PCBP3: variants seen among roughly 807,000 people sequenced by gnomAD.
The protein encoded by PCBP3 is poly(rC) binding protein 3.
PCBP3 carries 25 observed loss-of-function variants against 52.7 expected under a neutral mutation model. The observed-to-expected ratio is 0.47, with a 90% CI of 0.35 to 0.66. PCBP3 has a LOEUF of 0.66. PCBP3 is among the 30% of genes least tolerant of loss of function. PCBP3 has a pLI of 0.01. For synonymous variants in PCBP3, 162 were observed against 183.0 expected (o/e 0.89, Z 0.93); for missense variants, 391 against 490.3 (o/e 0.80, Z 1.91).
chr21:45,911,270 G>A (rs1187709056), intron 11 of PCBP3: 1 of 588,862 alleles, frequency 1.7e-6, no homozygotes, highest in Non-Finnish European at 3.1e-6. Context: ...AGCATGTGGA[G>A]AGGAGGGAGC....
At chr21:45,682,307 G>A (rs2081902703) in intron 2 of PCBP3, among the ~76,000 whole-genome samples, 1 of 152,114 alleles carries the variant, frequency 6.6e-6, no homozygotes, top group Admixed American at 6.5e-5. Context: ...CCTTCCTCTA[G>A]TCATCTTTCA....
At position 45,784,340 on chromosome 21, in the gene PCBP3, A is replaced by G. The variant is rs138109135; in HGVS notation, c.-126+28888A>G. Reference sequence around the variant, plus strand: ...AGGGAATGTTAATAGTGACAGCTCTACCTCTACCTCTACCTCTACCTCTAC... The same window carrying G: ...AGGGAATGTTAATAGTGACAGCTCTGCCTCTACCTCTACCTCTACCTCTAC... On this transcript the variant is annotated intron_variant, in intron 4 of 17. Coordinates refer to ENST00000681687, the MANE Select transcript of PCBP3 (RefSeq NM_001384156.1). Among the ~76,000 whole-genome samples the G allele has an allele frequency of 6.2e-3, 791 of 128,140 alleles. 8 individuals are homozygous for G. Among genetic ancestry groups the G allele is most frequent in the African/African-American group, 0.023 (761 of 32,892 alleles). The allele number at this position is 128,140 out of a possible 152,430, so 84.1% of individuals were successfully genotyped here.
intron 5 of PCBP3, among the ~76,000 whole-genome samples, chr21:45,884,713 A>G (rs2095479082): frequency 6.6e-6 from 1 of 152,162 alleles, no homozygotes; most frequent in Non-Finnish European, 1.5e-5. Context: ...GACAGGCACC[A>G]CCACACCCAG....
chr21:45,826,490 A>G (rs2093312129), intron 4 of PCBP3, among the ~76,000 whole-genome samples: 1 of 152,318 alleles, frequency 6.6e-6, no homozygotes, highest in African/African-American at 2.4e-5. Context: ...AGGTGTGTGA[A>G]GTACTCTGTG....
At chr21:45,868,539 A>G (rs2839025) in intron 5 of PCBP3, among the ~76,000 whole-genome samples, 75,300 of 151,122 alleles carry the variant, frequency 0.5, 20,706 homozygotes, top group East Asian at 0.81. Flanking sequence ...CTGAGCCTTA[A>G]GGCGTCTGGC....
At chr21:45,863,676 G>T (rs539876364) in intron 5 of PCBP3, among the ~76,000 whole-genome samples, 1 of 152,362 alleles carries the variant, frequency 6.6e-6, no homozygotes, top group East Asian at 1.9e-4. Context: ...ATCTCATCTT[G>T]TCTAAACGGG....
chr21:45,721,255 A>G (rs1164778541), intron 2 of PCBP3, among the ~76,000 whole-genome samples: 2 of 152,156 alleles, frequency 1.3e-5, no homozygotes, highest in African/African-American at 2.4e-5. Flanking sequence ...TCTACTAAAA[A>G]TACAAAAATT....
intron 1 of PCBP3, among the ~76,000 whole-genome samples, chr21:45,661,871 A>G (rs778604134): frequency 2.6e-5 from 4 of 152,090 alleles, no homozygotes; most frequent in Non-Finnish European, 5.9e-5. Context: ...TGTTGTTTTA[A>G]TTTGCATTTC....
chr21:45,921,063 A>G (rs1334203172), intron 13 of PCBP3, among the ~76,000 whole-genome samples: 2 of 152,212 alleles, frequency 1.3e-5, no homozygotes, highest in South Asian at 2.1e-4. Flanking sequence ...GCAGGCGTGT[A>G]AAATTGAAGA....
At chr21:45,858,283 A>C (rs2094382105) in intron 5 of PCBP3, 1 of 152,238 alleles carries the variant, frequency 6.6e-6, no homozygotes, top group Admixed American at 6.5e-5. Context: ...GGGAGGCGGT[A>C]GAGGACCTGT....
chr21:45,809,698 G>A (rs578185017), intron 4 of PCBP3, among the ~76,000 whole-genome samples: 41 of 152,330 alleles, frequency 2.7e-4, no homozygotes, highest in Admixed American at 1.0e-3. Flanking sequence ...GCTGCGATCC[G>A]GGTCGGGGCA....
At chr21:45,838,737 A>G (rs1318711156) in intron 4 of PCBP3, among the ~76,000 whole-genome samples, 2 of 152,184 alleles carry the variant, frequency 1.3e-5, no homozygotes, top group Non-Finnish European at 2.9e-5. Context: ...TTAGAGCAAT[A>G]TATTTCTTTG....
chr21:45,755,413 A>C lies in PCBP3; in HGVS notation c.-161-4A>C, dbSNP rs1015625033. ...ATGTGGATGTATGTTTTCATTTTTC[A>C]TAGGTAAATACCTAGGAGTGGGCTT... On this transcript the variant is annotated splice_region_variant and splice_polypyrimidine_tract_variant and intron_variant, in intron 3 of 17. Coordinates refer to ENST00000681687, the MANE Select transcript of PCBP3 (RefSeq NM_001384156.1). Among the ~76,000 whole-genome samples, 1 of 152,158 alleles carries C rather than the reference A, an allele frequency of 6.6e-6. No individual in the cohort carries two copies. The highest frequency in any genetic ancestry group is 1.5e-5 in the Non-Finnish European group (1 of 68,014).
chr21:45,822,268 C>T (rs1014617119), intron 4 of PCBP3, among the ~76,000 whole-genome samples: 62 of 152,280 alleles, frequency 4.1e-4, no homozygotes, highest in African/African-American at 1.3e-3. Context: ...GCAGCCTGAG[C>T]CTTTCCTCTG....
At chr21:45,702,848 A>G (rs1208237923) in intron 2 of PCBP3, among the ~76,000 whole-genome samples, 2 of 152,232 alleles carry the variant, frequency 1.3e-5, no homozygotes, top group African/African-American at 2.4e-5. Context: ...ACTTCTTTCA[A>G]AATTGGAGTC....
At chr21:45,822,836 C>G (rs1253847122) in intron 4 of PCBP3, among the ~76,000 whole-genome samples, 3 of 152,168 alleles carry the variant, frequency 2.0e-5, no homozygotes, top group Admixed American at 6.5e-5. Flanking sequence ...CAGGCTATCC[C>G]TCTGCTGGGA....
chr21:45,915,607 G>A (rs529983998), intron 12 of PCBP3: 1 of 152,256 alleles, frequency 6.6e-6, no homozygotes, highest in African/African-American at 2.4e-5. Context: ...TCTCACTCCT[G>A]TAAAGAAGGC....
At chr21:45,792,343 C>T (rs1688626611) in intron 4 of PCBP3, among the ~76,000 whole-genome samples, 1 of 152,182 alleles carries the variant, frequency 6.6e-6, no homozygotes, top group African/African-American at 2.4e-5. Flanking sequence ...GGCTGGCCCA[C>T]CGAGGCCAGC....
rs967795302 is a variant in PCBP3, at chr21:45,940,400, A to T, written c.1079+201A>T. ...CTCCATGTAGACACGGGGCCACCTCACTCTCCCGACCTCCCACCCGAAGCG... is the reference window on the plus strand; with the variant it reads ...CTCCATGTAGACACGGGGCCACCTCTCTCTCCCGACCTCCCACCCGAAGCG... On this transcript the variant is annotated intron_variant, in intron 17 of 17. Coordinates refer to ENST00000681687, the MANE Select transcript of PCBP3 (RefSeq NM_001384156.1). 2.6e-5 allele frequency among the ~76,000 whole-genome samples: 4 copies of T among 151,712 alleles called. No homozygotes were observed. The East Asian group carries it at 7.8e-4, about 30-fold the overall frequency.
Sources: allele counts gnomAD v4.1 joint callset (sites outside exome capture counted in the v4.1 genomes callset), GRCh38; gene constraint gnomAD v4.1.1; transcripts MANE v1.5; gene names NCBI Gene and HGNC (gene_info 2026-07-23, HGNC 2026-07-21).